RAD52: variants seen among roughly 807,000 people sequenced by gnomAD.
RAD52 encodes DNA repair protein RAD52 homolog.
Under a neutral mutation model 55.5 loss-of-function variants are expected in RAD52, and 47 were observed. The observed-to-expected ratio is 0.85, with a 90% CI of 0.67 to 1.08. RAD52 has a LOEUF of 1.08. Ranked by LOEUF, RAD52 falls within the 50% of genes least tolerant of loss-of-function variation. The probability of loss-of-function intolerance (pLI) is 0.00; values close to 1 mark genes in which losing one functional copy is unlikely to be tolerated. For missense variants in RAD52, 468 were observed against 522.8 expected, an observed-to-expected ratio of 0.90 and a Z score of 1.02; for synonymous variants, 184 against 198.9, an observed-to-expected ratio of 0.92 and a Z score of 0.63.
Position 937,032 on chromosome 12 carries a change from C to A in RAD52, c.-18-3956G>T, listed in dbSNP as rs769543885. The stretch of plus-strand genomic sequence containing the variant: ...AAGGGTCTGTGGGACCCACCTGGTA[C>A]CCACACATGCACAACCTAGAAGTCT... On this transcript the variant is annotated intron_variant, in intron 1 of 11. Coordinates refer to ENST00000358495, the MANE Select transcript of RAD52 (RefSeq NM_134424.4). 2.6e-5 allele frequency: 4 copies of A among 152,332 alleles called. No individual in the cohort carries two copies. The East Asian group carries it at 7.7e-4, about 29-fold the overall frequency. 9.4% of individuals were successfully genotyped at this position (152,332 alleles called of 1,614,324 possible). A position where few individuals can be genotyped will look rare whatever the true frequency, so the allele number is the denominator to read the frequency against.
intron 1 of RAD52, among the ~76,000 whole-genome samples, chr12:977,730 C>A (rs553715258): frequency 6.6e-5 from 10 of 152,300 alleles, no homozygotes; most frequent in African/African-American, 2.4e-4. Context: ...CTGAACACTG[C>A]TTTGGGAATG....
rs555235576 is a variant in RAD52 at position 948,696 on chromosome 12, T to C, written c.-19+906A>G. Among the ~76,000 whole-genome samples, 6 of 151,962 alleles carry C rather than the reference T, an allele frequency of 3.9e-5. No homozygotes were observed. In the East Asian group the frequency reaches 1.2e-3, roughly 29 times the overall value. ...AAAAGGGAGTGAATTTAATTGTACGTGAATTATAACTTTTTTTTTTTTGGA... is the reference window on the plus strand; with the variant it reads ...AAAAGGGAGTGAATTTAATTGTACGCGAATTATAACTTTTTTTTTTTTGGA... On this transcript the variant is annotated intron_variant, in intron 1 of 11. Coordinates refer to ENST00000358495, the MANE Select transcript of RAD52 (RefSeq NM_134424.4).
intron 1 of RAD52, among the ~76,000 whole-genome samples, chr12:945,062 A>G (rs1018759770): frequency 1.3e-5 from 2 of 152,170 alleles, no homozygotes; most frequent in East Asian, 1.9e-4. Flanking sequence ...AAAAGTAGAA[A>G]AAAAGTGGCC....
chr12:951,792 CTTTTT>C (rs1330208611), upstream of RAD52, among the ~76,000 whole-genome samples: 1 of 151,800 alleles, frequency 6.6e-6, no homozygotes, highest in Non-Finnish European at 1.5e-5. Flanking sequence ...TGATTTTAAC[CTTTTT>C]TTGTTTTAAG....
At chr12:958,478 T>A (rs987481039) in intron 1 of RAD52, among the ~76,000 whole-genome samples, 5 of 152,184 alleles carry the variant, frequency 3.3e-5, no homozygotes, top group Non-Finnish European at 7.3e-5. Context: ...GGCCTTCCAT[T>A]GTGCTGGGAT....
intron 7 of RAD52, among the ~76,000 whole-genome samples, chr12:922,141 G>GA: frequency 6.8e-6 from 1 of 146,322 alleles, no homozygotes; most frequent in African/African-American, 2.5e-5. Flanking sequence ...TAATCATCAG[G>GA]GGTATGCAAA....
intron 1 of RAD52, among the ~76,000 whole-genome samples, chr12:966,511 T>G (rs1287138640): frequency 6.6e-6 from 1 of 152,128 alleles, no homozygotes; most frequent in Non-Finnish European, 1.5e-5. Context: ...TGAGAAAAGA[T>G]AACTTGTTTA....
intron 7 of RAD52, 86 bp downstream of exon 7, chr12:925,364 T>C: frequency 2.6e-6 from 3 of 1,171,872 alleles, no homozygotes; most frequent in Non-Finnish European, 3.8e-6. Context: ...CCTCACTTTT[T>C]CTCCTTGCAT....
chr12:948,825 G>C (rs1755177407), intron 1 of RAD52, among the ~76,000 whole-genome samples: 1 of 151,750 alleles, frequency 6.6e-6, no homozygotes, highest in Non-Finnish European at 1.5e-5. Flanking sequence ...TCCGCCTCCC[G>C]AGTAGCGGGG....
intron 1 of RAD52, among the ~76,000 whole-genome samples, chr12:973,836 G>C (rs539610000): frequency 8.2e-4 from 121 of 148,346 alleles, no homozygotes; most frequent in South Asian, 3.2e-3. Flanking sequence ...GCCCAGGCTG[G>C]AGTGCAGTGG....
chr12:983,621 T>C (rs1371613491), intron 1 of RAD52, among the ~76,000 whole-genome samples: 2 of 151,774 alleles, frequency 1.3e-5, no homozygotes, highest in Admixed American at 1.3e-4. Flanking sequence ...GGTTTCTCCA[T>C]GTTGGCCAGG....
chr12:952,560 C>T (rs974904549), upstream of RAD52, among the ~76,000 whole-genome samples: 4 of 152,000 alleles, frequency 2.6e-5, no homozygotes, highest in Non-Finnish European at 5.9e-5. Flanking sequence ...TGAGGTCATA[C>T]TCAATTCAGG....
At chr12:987,949 C>T (rs369601015) in intron 1 of RAD52, among the ~76,000 whole-genome samples, 4 of 152,220 alleles carry the variant, frequency 2.6e-5, no homozygotes, top group East Asian at 3.9e-4. Flanking sequence ...GGATTACAGG[C>T]GCGAGCCACT....
At chr12:979,302 G>A (rs769586280) in intron 1 of RAD52, among the ~76,000 whole-genome samples, 33 of 152,112 alleles carry the variant, frequency 2.2e-4, no homozygotes, top group Non-Finnish European at 4.4e-4. Context: ...TTAGCATGGC[G>A]TGGTGATACA....
At chr12:938,732 T>G (rs1005409408) in intron 1 of RAD52, among the ~76,000 whole-genome samples, 1 of 152,080 alleles carries the variant, frequency 6.6e-6, no homozygotes, top group Non-Finnish European at 1.5e-5. Context: ...GACAACTAAA[T>G]GCACTGTGTG....
chr12:935,965 C>T (rs962314935), intron 1 of RAD52, among the ~76,000 whole-genome samples: 63 of 150,992 alleles, frequency 4.2e-4, no homozygotes, highest in African/African-American at 1.5e-3. Flanking sequence ...GTGATCCACC[C>T]GCCTCAGGTG....
chr12:963,990 T>G (rs1326570356), intron 1 of RAD52, among the ~76,000 whole-genome samples: 1 of 151,328 alleles, frequency 6.6e-6, no homozygotes. Context: ...GGGGGAAGAG[T>G]GTTCCAGACA....
At chr12:965,936 G>C (rs1225094667) in intron 1 of RAD52, among the ~76,000 whole-genome samples, 1 of 151,818 alleles carries the variant, frequency 6.6e-6, no homozygotes, top group Non-Finnish European at 1.5e-5. Context: ...CTCCCGCCTT[G>C]GCCTCCCAAA....
At chr12:946,610 A>G (rs760418897) in intron 1 of RAD52, among the ~76,000 whole-genome samples, 6 of 152,246 alleles carry the variant, frequency 3.9e-5, no homozygotes. Flanking sequence ...TTCAACTTGG[A>G]AATGCTAGAC....
Sources: allele counts gnomAD v4.1 joint callset (sites outside exome capture counted in the v4.1 genomes callset), GRCh38; gene constraint gnomAD v4.1.1; transcripts MANE v1.5; gene names NCBI Gene and HGNC (gene_info 2026-07-23, HGNC 2026-07-21).